ZBTB44: variants seen among roughly 807,000 people sequenced by gnomAD.
The protein encoded by ZBTB44 is zinc finger and BTB domain-containing protein 44.
In ZBTB44, 15 loss-of-function variants were observed where a neutral mutation model predicts 54.0. The observed-to-expected ratio is 0.28, with a 90% CI of 0.19 to 0.43. The LOEUF is 0.43. Among genes scored for constraint, ZBTB44 ranks in the 20% least tolerant of loss-of-function variants. The pLI, the probability that ZBTB44 is intolerant of heterozygous loss-of-function variation, is 1.00. For missense variants in ZBTB44, 487 were observed against 707.1 expected (o/e 0.69, Z 3.53); for synonymous variants, 230 against 250.1 (o/e 0.92, Z 0.76).
At chr11:130,276,096 G>A (rs1173867627) in intron 1 of ZBTB44, among the ~76,000 whole-genome samples, 2 of 151,568 alleles carry the variant, frequency 1.3e-5, no homozygotes, top group Non-Finnish European at 2.9e-5. Flanking sequence ...CATGGTGGCA[G>A]GTGCCTATAA....
intron 1 of ZBTB44, among the ~76,000 whole-genome samples, chr11:130,263,030 C>T (rs1419512864): frequency 6.6e-6 from 1 of 152,222 alleles, no homozygotes. Flanking sequence ...CACTGCACTC[C>T]ACCCTTGGTG....
chr11:130,251,804 C>T (rs557214690), intron 2 of ZBTB44, among the ~76,000 whole-genome samples: 1 of 152,260 alleles, frequency 6.6e-6, no homozygotes, highest in Admixed American at 6.5e-5. Flanking sequence ...TGGTACCAGC[C>T]ACTGCAAAAA....
At chr11:130,286,176 T>TA (rs1457391494) in intron 1 of ZBTB44, among the ~76,000 whole-genome samples, 2 of 152,010 alleles carry the variant, frequency 1.3e-5, no homozygotes, top group East Asian at 3.9e-4. Flanking sequence ...AAGTGATCTT[T>TA]AAAAAAATGA....
At chr11:130,245,194 CTGTG>C (rs1565648869) in intron 2 of ZBTB44, among the ~76,000 whole-genome samples, 1 of 152,160 alleles carries the variant, frequency 6.6e-6, no homozygotes, top group Non-Finnish European at 1.5e-5. Context: ...TGTAGCATTT[CTGTG>C]TGTGTCTTTT....
chr11:130,255,959 C>A (rs1179435134), intron 2 of ZBTB44, among the ~76,000 whole-genome samples: 1 of 149,364 alleles, frequency 6.7e-6, no homozygotes, highest in Non-Finnish European at 1.5e-5. Flanking sequence ...AAATAGCCTA[C>A]CAACCAAAAA....
chr11:130,279,652 C>G (rs1347149146), intron 1 of ZBTB44, among the ~76,000 whole-genome samples: 3 of 151,142 alleles, frequency 2.0e-5, no homozygotes, highest in East Asian at 3.8e-4. Context: ...GAGCGAGACT[C>G]TGTCTCAAAA....
At chr11:130,272,002 G>A (rs184381539) in intron 1 of ZBTB44, among the ~76,000 whole-genome samples, 43 of 152,124 alleles carry the variant, frequency 2.8e-4, no homozygotes, top group East Asian at 2.7e-3. Context: ...AGGTCGAGGC[G>A]GGTGGATTAC....
rs554596822 is a variant in ZBTB44 at position 130,235,651 on chromosome 11, C to T, written c.1568+1142G>A. Among the ~76,000 whole-genome samples, 16 of 151,538 alleles carry T rather than the reference C, an allele frequency of 1.1e-4. No individual in the cohort carries two copies. The South Asian group carries it at 1.9e-3, about 18-fold the overall frequency. On this transcript the variant is annotated intron_variant, in intron 5 of 7. Transcript: ENST00000357899. The stretch of plus-strand genomic sequence containing the variant: ...CTTCAGCCTGGGCAACACTGCAAGA[C>T]CCTATCTATTCAATTAAAAAAAAAA...
chr11:130,242,890 T>C (rs1027468371), intron 2 of ZBTB44, among the ~76,000 whole-genome samples: 2 of 152,226 alleles, frequency 1.3e-5, no homozygotes, highest in African/African-American at 4.8e-5. Context: ...TTCCGCACCC[T>C]TCTCCTCTTT....
chr11:130,303,803 A>C (rs1942118019), intron 1 of ZBTB44, among the ~76,000 whole-genome samples: 1 of 152,184 alleles, frequency 6.6e-6, no homozygotes. Flanking sequence ...AAGCTATATA[A>C]GGAAAGTATT....
At chr11:130,245,023 ACT>A (rs1374754244) in intron 2 of ZBTB44, among the ~76,000 whole-genome samples, 16 of 152,280 alleles carry the variant, frequency 1.1e-4, no homozygotes, top group African/African-American at 3.8e-4. Context: ...TTTCTTGATG[ACT>A]CACCACAATC....
intron 1 of ZBTB44, among the ~76,000 whole-genome samples, chr11:130,281,781 A>G (rs1940540076): frequency 6.7e-6 from 1 of 148,248 alleles, no homozygotes; most frequent in African/African-American, 2.5e-5. Context: ...TTTTTAGTAG[A>G]GACGGGGTTT....
intron 1 of ZBTB44, among the ~76,000 whole-genome samples, chr11:130,306,541 C>A (rs1330830631): frequency 2.0e-5 from 3 of 151,840 alleles, no homozygotes; most frequent in African/African-American, 7.3e-5. Context: ...ACCATTTGAT[C>A]CAGCAATCCC....
At chr11:130,283,705 C>A (rs1046006764) in intron 1 of ZBTB44, among the ~76,000 whole-genome samples, 1 of 151,892 alleles carries the variant, frequency 6.6e-6, no homozygotes, top group Admixed American at 6.6e-5. Context: ...GTGGCTCATG[C>A]CTGTAATCCC....
chr11:130,278,439 G>A (rs1940265021), intron 1 of ZBTB44, among the ~76,000 whole-genome samples: 1 of 152,158 alleles, frequency 6.6e-6, no homozygotes, highest in Admixed American at 6.5e-5. Flanking sequence ...AAACTTGTAA[G>A]TCAAACCATC....
chr11:130,258,128 T>C (rs1302770967), intron 2 of ZBTB44, among the ~76,000 whole-genome samples: 1 of 152,114 alleles, frequency 6.6e-6, no homozygotes, highest in Non-Finnish European at 1.5e-5. Context: ...TCTATAGCAC[T>C]AAGGAAGAAA....
intron 1 of ZBTB44, among the ~76,000 whole-genome samples, chr11:130,272,231 A>T (rs534482077): frequency 2.9e-5 from 4 of 137,060 alleles, no homozygotes; most frequent in Middle Eastern, 3.6e-3. Context: ...CTCCGTCTCC[A>T]AAAAAAAAAA....
At chr11:130,273,820 G>C (rs1939853817) in intron 1 of ZBTB44, among the ~76,000 whole-genome samples, 1 of 152,114 alleles carries the variant, frequency 6.6e-6, no homozygotes, top group African/African-American at 2.4e-5. Context: ...TGTAATCCCA[G>C]CACTTTGGGA....
chr11:130,287,672 T>C (rs1348554494), intron 1 of ZBTB44, among the ~76,000 whole-genome samples: 1 of 152,120 alleles, frequency 6.6e-6, no homozygotes, highest in Non-Finnish European at 1.5e-5. Context: ...TATACCTACA[T>C]GATAACTGAT....
Sources: allele counts gnomAD v4.1 joint callset (sites outside exome capture counted in the v4.1 genomes callset), GRCh38; gene constraint gnomAD v4.1.1; transcripts MANE v1.5; gene names NCBI Gene and HGNC (gene_info 2026-07-23, HGNC 2026-07-21).